The following HYCC2 variants were observed in gnomAD, a reference collection of about 807,000 sequenced individuals.
HYCC2 encodes hyccin PI4KA lipid kinase complex subunit 2, also known as hyccin 2.
At chr2:201,043,532 A>G in the HYCC2 span, among the ~76,000 whole-genome samples, 1 of 147,644 alleles carries the variant, frequency 6.8e-6, no homozygotes, top group East Asian at 2.0e-4. Flanking sequence ...TTTTTGAGAC[A>G]GAGTCTCACT....
chr2:201,058,121 C>G, the HYCC2 span, among the ~76,000 whole-genome samples: 1 of 152,012 alleles, frequency 6.6e-6, no homozygotes, highest in African/African-American at 2.4e-5. Context: ...TCCTAACTAC[C>G]CTCCCCTTCT....
At chr2:201,050,767 T>A in the HYCC2 span, among the ~76,000 whole-genome samples, 2 of 151,814 alleles carry the variant, frequency 1.3e-5, no homozygotes, top group African/African-American at 4.8e-5. Context: ...AAACCCCGTC[T>A]CTACTAAAAA....
At chr2:200,988,459 A>T in the HYCC2 span, 2 of 1,531,906 alleles carry the variant, frequency 1.3e-6, no homozygotes, top group African/African-American at 2.8e-5. Context: ...GTTTACAATC[A>T]ATATGCAGTT....
chr2:201,053,427 A>G, the HYCC2 span, among the ~76,000 whole-genome samples: 1 of 152,260 alleles, frequency 6.6e-6, no homozygotes, highest in Admixed American at 6.5e-5. Flanking sequence ...GCAGAGCTCA[A>G]AAACATTTAT....
the HYCC2 span, among the ~76,000 whole-genome samples, chr2:201,070,235 T>G: frequency 1.9e-4 from 29 of 152,172 alleles, no homozygotes; most frequent in African/African-American, 7.0e-4. Context: ...TAAGATAATT[T>G]AGTTAATTAT....
chr2:200,981,716 AACGCCCAGTTGCT>A, the HYCC2 span: 1 of 1,614,096 alleles, frequency 6.2e-7, no homozygotes, highest in South Asian at 1.1e-5. The surrounding 1 kb of genome is among the most constrained non-coding windows in gnomAD (Gnocchi z 4.5). Flanking sequence ...TCCTTGGCTG[AACGCCCAGTTGCT>A]ACTTTCCTTA....
the HYCC2 span, among the ~76,000 whole-genome samples, chr2:201,066,535 G>T: frequency 2.0e-5 from 3 of 152,200 alleles, no homozygotes; most frequent in South Asian, 6.2e-4. Context: ...AAAGAATATG[G>T]AAAAATTATA....
At chr2:201,067,374 A>C in the HYCC2 span, among the ~76,000 whole-genome samples, 4 of 152,230 alleles carry the variant, frequency 2.6e-5, no homozygotes, top group Non-Finnish European at 4.4e-5. Context: ...TCTGTAAACC[A>C]TGCTTTGCCA....
At chr2:201,058,182 T>C in the HYCC2 span, among the ~76,000 whole-genome samples, 4 of 152,144 alleles carry the variant, frequency 2.6e-5, no homozygotes, top group Admixed American at 2.6e-4. Context: ...TTCCATAGCA[T>C]ACAACCCTGC....
the HYCC2 span, among the ~76,000 whole-genome samples, chr2:201,051,754 T>A: frequency 6.6e-6 from 1 of 152,172 alleles, no homozygotes; most frequent in African/African-American, 2.4e-5. Flanking sequence ...CCTCAATTAA[T>A]CACTACCTTG....
the HYCC2 span, among the ~76,000 whole-genome samples, chr2:201,013,086 C>A: frequency 6.6e-6 from 1 of 152,086 alleles, no homozygotes; most frequent in African/African-American, 2.4e-5. Flanking sequence ...TAGCATACAT[C>A]ACTGGCATAA....
chr2:200,973,725 A>T, the HYCC2 span: 3 of 152,298 alleles, frequency 2.0e-5, no homozygotes, highest in East Asian at 5.8e-4. Context: ...AAATCCAGTT[A>T]AAAGCCAAAT....
At chr2:201,037,007 T>A in the HYCC2 span, among the ~76,000 whole-genome samples, 1 of 152,154 alleles carries the variant, frequency 6.6e-6, no homozygotes, top group East Asian at 1.9e-4. Flanking sequence ...CCATCGTCTC[T>A]GCCCAAAATC....
chr2:201,047,576 T>C, the HYCC2 span, among the ~76,000 whole-genome samples: 1 of 151,022 alleles, frequency 6.6e-6, no homozygotes, highest in Non-Finnish European at 1.5e-5. Context: ...GAAATCAATC[T>C]AGAAATTCAG....
the HYCC2 span, among the ~76,000 whole-genome samples, chr2:201,000,839 G>A: frequency 6.6e-6 from 1 of 151,708 alleles, no homozygotes; most frequent in African/African-American, 2.4e-5. Flanking sequence ...TATTAAGAGG[G>A]TGGGGCCTTT....
At chr2:201,042,777 T>TG in the HYCC2 span, among the ~76,000 whole-genome samples, 15 of 143,200 alleles carry the variant, frequency 1.0e-4, no homozygotes, top group Admixed American at 2.8e-4. Flanking sequence ...GTCTGGGAGG[T>TG]GGGGGGCGCC....
At chr2:201,037,906 C>T in the HYCC2 span, among the ~76,000 whole-genome samples, 2 of 152,030 alleles carry the variant, frequency 1.3e-5, no homozygotes, top group Non-Finnish European at 2.9e-5. Context: ...TCTAATTAAA[C>T]TAAAGAGCTT....
At chr2:201,007,000 T>C in the HYCC2 span, among the ~76,000 whole-genome samples, 1 of 152,188 alleles carries the variant, frequency 6.6e-6, no homozygotes, top group Non-Finnish European at 1.5e-5. Context: ...TGAAAATATA[T>C]GCAAACATTA....
the HYCC2 span, among the ~76,000 whole-genome samples, chr2:201,060,223 T>C: frequency 6.6e-6 from 1 of 152,160 alleles, no homozygotes; most frequent in Non-Finnish European, 1.5e-5. Flanking sequence ...CAGCAGCAGA[T>C]ACAGTATAGA....
Sources: allele counts gnomAD v4.1 joint callset (sites outside exome capture counted in the v4.1 genomes callset), GRCh38; gene constraint gnomAD v4.1.1; non-coding constraint Gnocchi (gnomAD v3.1); transcripts MANE v1.5; gene names NCBI Gene and HGNC (gene_info 2026-07-23, HGNC 2026-07-21).